The following PDE4C variants were observed in gnomAD, a reference collection of about 807,000 sequenced individuals.
PDE4C encodes the protein 3',5'-cyclic-AMP phosphodiesterase 4C.
A neutral mutation model predicts 63.9 loss-of-function variants in PDE4C; 50 were observed. That is an observed-to-expected ratio of 0.78 (90% CI 0.62 to 0.99). The LOEUF (loss-of-function observed/expected upper bound fraction) is 0.99, where lower values mean the gene tolerates loss of function less well. PDE4C is among the 50% of genes least tolerant of loss of function. The pLI is 0.00. For synonymous variants in PDE4C, 377 were observed against 385.1 expected, an observed-to-expected ratio of 0.98 and a Z score of 0.25; for missense variants, 777 against 899.1, an observed-to-expected ratio of 0.86 and a Z score of 1.74.
At chr19:18,233,258 C>T (rs1262914238) in exon 1 of PDE4C, 34 of 1,537,910 alleles carry the variant, frequency 2.2e-5, no homozygotes, top group Non-Finnish European at 2.9e-5. Context: ...CGCCGAGGAG[C>T]GTCTGCTCCC....
At chr19:18,230,881 A>G (rs1371825807), upstream of PDE4C, among the ~76,000 whole-genome samples, 1 of 152,170 alleles carries the variant, frequency 6.6e-6, no homozygotes, top group African/African-American at 2.4e-5. Flanking sequence ...CGTCTCCAAC[A>G]CAGGGCCTGC....
intron 1 of PDE4C, among the ~76,000 whole-genome samples, chr19:18,247,095 C>T (rs4808770): frequency 0.28 from 43,272 of 152,084 alleles, 6,350 homozygotes; most frequent in African/African-American, 0.31. Context: ...TCATGACCCA[C>T]TGCTCAGGCC....
intron 1 of PDE4C, among the ~76,000 whole-genome samples, chr19:18,245,054 C>T (rs1969106777): frequency 6.6e-6 from 1 of 152,080 alleles, no homozygotes; most frequent in Non-Finnish European, 1.5e-5. Context: ...CCAGGATGGT[C>T]TCGATCTCTT....
chr19:18,218,388 A>T, exon 10 of PDE4C: 2 of 1,614,242 alleles, frequency 1.2e-6, no homozygotes, highest in Non-Finnish European at 1.7e-6. Flanking sequence ...CGTCGGCGGC[A>T]TGTAGGCTGT....
upstream of PDE4C, among the ~76,000 whole-genome samples, chr19:18,249,403 T>C (rs1969197765): frequency 6.6e-6 from 1 of 152,036 alleles, no homozygotes; most frequent in Admixed American, 6.6e-5. Context: ...GCCTCCCTAA[T>C]AGCTGGGATT....
At chr19:18,212,007 C>T in intron 13 of PDE4C, 66 bp from the exon 14 acceptor site, 2 of 1,519,338 alleles carry the variant, frequency 1.3e-6, no homozygotes, top group Non-Finnish European at 1.8e-6. Context: ...GGCACCTCCA[C>T]AGACAGGCTT....
At chr19:18,222,149 G>A (rs145051962) in exon 2 of PDE4C, 55 of 1,612,854 alleles carry the variant, frequency 3.4e-5, no homozygotes, top group Middle Eastern at 1.6e-4. Flanking sequence ...TGGCCACAGA[G>A]GAGTTCCGAG....
At chr19:18,255,316 C>T in the PDE4C span, 1,486 of 398,834 alleles carry the variant, frequency 3.7e-3, 13 homozygotes, top group African/African-American at 0.024. This position sits in a 1 kb window ranked among gnomAD's most constrained non-coding sequence, Gnocchi z 4.6. Flanking sequence ...ATTCCTGCGC[C>T]GGGAGGGCCT....
At position 18,220,617 on chromosome 19, in the gene PDE4C, C is replaced by G. The variant is rs1968419549; in HGVS notation, c.500-102G>C. On this transcript the variant is annotated intron_variant, in intron 5 of 14. Coordinates refer to ENST00000262805, the Ensembl canonical transcript of PDE4C. This position sits in a 1 kb window ranked among gnomAD's most constrained non-coding sequence, Gnocchi z 5.1. ...CATCTGGACCCTGAAACTGTTCCCA[C>G]GGGGGCCACCCAGGACTCCTGGACC... The G allele has an allele frequency of 9.4e-7, 1 of 1,065,582 alleles. No homozygotes were observed. Among genetic ancestry groups the G allele is most frequent in the African/African-American group, 1.6e-5 (1 of 63,450 alleles). The allele number at this position is 1,065,582 out of a possible 1,614,324, so 66.0% of individuals were successfully genotyped here. A position where few individuals can be genotyped will look rare whatever the true frequency, so the allele number is the denominator to read the frequency against.
upstream of PDE4C, chr19:18,226,610 T>C (rs988393006): frequency 1.9e-5 from 7 of 372,562 alleles, no homozygotes; most frequent in African/African-American, 1.1e-4. Flanking sequence ...TGCTCCTTTT[T>C]TTTTTTTTTT....
At chr19:18,225,472 A>G (rs1013381977) in intron 1 of PDE4C, 1 of 152,242 alleles carries the variant, frequency 6.6e-6, no homozygotes, top group African/African-American at 2.4e-5. Flanking sequence ...CTCCAACCCC[A>G]GCTATGACCT....
upstream of PDE4C, among the ~76,000 whole-genome samples, chr19:18,249,025 T>C (rs142002978): frequency 0.02 from 1,823 of 89,142 alleles, 50 homozygotes; most frequent in African/African-American, 0.079. Context: ...AACTCCATCT[T>C]ATTAAAAAAA....
chr19:18,221,379 G>A, intron 2 of PDE4C, 82 bp from the exon 3 acceptor site: 1 of 1,377,144 alleles, frequency 7.3e-7, no homozygotes, highest in Non-Finnish European at 9.9e-7. Flanking sequence ...AACTGAGGGG[G>A]TCCTGCTCTC....
exon 14 of PDE4C, chr19:18,211,831 G>A (rs764197480): frequency 1.9e-5 from 31 of 1,614,110 alleles, no homozygotes; most frequent in Non-Finnish European, 2.5e-5. Flanking sequence ...CACGCTCGCG[G>A]TCTCCCTGCT....
chr19:18,216,004 A>T (rs1237068285), intron 12 of PDE4C, among the ~76,000 whole-genome samples: 1 of 149,798 alleles, frequency 6.7e-6, no homozygotes, highest in Non-Finnish European at 1.5e-5. Flanking sequence ...TAATTTTTGT[A>T]TTTTTAGTAA....
At chr19:18,227,230 A>C (rs755892908), upstream of PDE4C, among the ~76,000 whole-genome samples, 1 of 152,114 alleles carries the variant, frequency 6.6e-6, no homozygotes, top group African/African-American at 2.4e-5. Flanking sequence ...TCCTTTGCCA[A>C]GTGGGGAAAC....
chr19:18,243,963 T>C (rs1359449425), intron 1 of PDE4C, among the ~76,000 whole-genome samples: 1 of 152,040 alleles, frequency 6.6e-6, no homozygotes, highest in Non-Finnish European at 1.5e-5. Context: ...CATGTGATTC[T>C]CCCACCTCAG....
intron 12 of PDE4C, among the ~76,000 whole-genome samples, chr19:18,216,176 C>T (rs990137329): frequency 7.2e-5 from 11 of 151,882 alleles, no homozygotes; most frequent in African/African-American, 2.7e-4. Flanking sequence ...ACCTGACACC[C>T]CAGAAACGGT....
At chr19:18,208,993 G>A (rs1294375933), downstream of PDE4C, 1 of 152,210 alleles carries the variant, frequency 6.6e-6, no homozygotes, top group East Asian at 1.9e-4. Flanking sequence ...GAGAAAGCAG[G>A]GGGCTCCTAC....
Sources: gnomAD v4.1 joint callset for allele counts (sites outside exome capture counted in the v4.1 genomes callset) on GRCh38, gnomAD v4.1.1 for gene constraint, Gnocchi (gnomAD v3.1) non-coding constraint, MANE v1.5 for transcripts, NCBI Gene and HGNC (gene_info 2026-07-23, HGNC 2026-07-21) for gene names.